The following FBXO21 variants were observed in gnomAD, a reference collection of about 807,000 sequenced individuals.
FBXO21 encodes F-box only protein 21.
Under a neutral mutation model 76.6 loss-of-function variants are expected in FBXO21, and 32 were observed. That is an observed-to-expected ratio of 0.42 (90% CI 0.32 to 0.56). FBXO21 has a LOEUF of 0.56. Ranked by LOEUF, FBXO21 falls within the 20% of genes least tolerant of loss-of-function variation. The pLI is 0.16. For missense variants in FBXO21, 586 were observed against 797.3 expected, an observed-to-expected ratio of 0.73 and a Z score of 3.19; for synonymous variants, 328 against 311.5, an observed-to-expected ratio of 1.05 and a Z score of -0.56.
intron 3 of FBXO21, among the ~76,000 whole-genome samples, chr12:117,184,656 A>G (rs895179475): frequency 2.6e-5 from 4 of 152,182 alleles, no homozygotes; most frequent in Non-Finnish European, 5.9e-5. Flanking sequence ...AGGAGGCTGA[A>G]GCAGGACAAT....
intron 9 of FBXO21, among the ~76,000 whole-genome samples, chr12:117,161,776 G>A (rs1362233412): frequency 6.6e-6 from 1 of 152,194 alleles, no homozygotes; most frequent in African/African-American, 2.4e-5. Flanking sequence ...GGGCACAGGT[G>A]CAGGGTAGAA....
rs372265673 is a variant in FBXO21, at chr12:117,189,273, G to C, written c.329C>G (p.Ala110Gly). ...TGAGAACGAGGCTACAATCTTCCGC[G>C]CTTCTAACCCAGCTTTTTGCCGAAC... ...YKVRQKAGLE[A>G]RKIVASFSKR... is the part of the protein sequence containing the mutation. Residue 110 changes from alanine to glycine, a missense_variant, in exon 2 of 12, where the codon GCG (alanine) becomes GGG (glycine). By Grantham distance (60) the Ala-to-Gly change is moderately conservative. Around this residue, in one of 6 missense-constraint regions of FBXO21, gnomAD observed 246 missense variants for 356.8 expected, o/e 0.69. Transcript: ENST00000622495. The C allele has an allele frequency of 9.3e-6, 15 of 1,614,040 alleles. 1 individual carries two copies. Among genetic ancestry groups the C allele is most frequent in the Non-Finnish European group, 1.3e-5 (15 of 1,180,028 alleles).
chr12:117,170,361 T>C (rs1034581848), intron 7 of FBXO21, among the ~76,000 whole-genome samples: 4 of 152,110 alleles, frequency 2.6e-5, no homozygotes, highest in Admixed American at 6.5e-5. Flanking sequence ...AACAGACACA[T>C]AGGGTTTCCA....
intron 9 of FBXO21, among the ~76,000 whole-genome samples, chr12:117,162,021 C>T (rs4767510): frequency 0.18 from 27,217 of 152,110 alleles, 3,140 homozygotes; most frequent in Admixed American, 0.34. Flanking sequence ...GGCATGGGAA[C>T]GGGTCCTGAT....
chr12:117,168,878 G>A (rs185370476), intron 7 of FBXO21, among the ~76,000 whole-genome samples: 30 of 152,370 alleles, frequency 2.0e-4, no homozygotes, highest in African/African-American at 7.0e-4. Flanking sequence ...GTTAGTGGGA[G>A]TGTAAATTAG....
chr12:117,168,159 G>A (rs1045789923), intron 7 of FBXO21, among the ~76,000 whole-genome samples: 12 of 152,152 alleles, frequency 7.9e-5, no homozygotes, highest in African/African-American at 2.7e-4. Flanking sequence ...ACAAATCGTA[G>A]CATATTCCTC....
At chr12:117,165,149 T>C (rs1049715923) in intron 9 of FBXO21, among the ~76,000 whole-genome samples, 5 of 152,220 alleles carry the variant, frequency 3.3e-5, no homozygotes, top group Non-Finnish European at 5.9e-5. Context: ...CAGCTGGAGG[T>C]TGACCATTTA....
intron 3 of FBXO21, among the ~76,000 whole-genome samples, chr12:117,180,556 T>A (rs1328688250): frequency 1.3e-5 from 2 of 152,166 alleles, no homozygotes; most frequent in African/African-American, 4.8e-5. Flanking sequence ...TCGTTATTCA[T>A]TTACTTCATT....
At chr12:117,171,118 C>A (rs1956113473) in intron 7 of FBXO21, among the ~76,000 whole-genome samples, 1 of 151,966 alleles carries the variant, frequency 6.6e-6, no homozygotes, top group South Asian at 2.1e-4. Context: ...AATCCCAGCA[C>A]CTTGGGAGGC....
chr12:117,171,908 C>T (rs1161949924), intron 7 of FBXO21, among the ~76,000 whole-genome samples: 5 of 152,044 alleles, frequency 3.3e-5, no homozygotes, highest in Non-Finnish European at 5.9e-5. Flanking sequence ...TAAAAAAGAA[C>T]AAAACAGAAC....
intron 1 of FBXO21, 65 bp downstream of exon 1, chr12:117,190,153 G>T: frequency 2.2e-6 from 2 of 901,228 alleles, no homozygotes; most frequent in South Asian, 1.0e-4. Flanking sequence ...TAGCGGGGCG[G>T]CTGCCCGGCC....
In FBXO21 at chr12:117,166,989, C is replaced by G; in HGVS notation, c.1102G>C (p.Gly368Arg). ...TACAGTGCTGCAGTCACGTGCTGGC[C>G]GATCAAGTACTCGCATTCTTTCACT... ...LTVKECEYLI[G>R]QHVTAALYGV... The change falls in exon 8 of 12, where the codon GGC becomes CGC. Residue 368 changes from glycine (G) to arginine (R), a missense_variant. Physicochemically the swap from Gly to Arg is moderately radical, Grantham distance 125. Transcript: ENST00000622495. 6.2e-7 allele frequency: 1 copy of G among 1,614,044 alleles called. No homozygotes were observed. The highest frequency in any genetic ancestry group is 8.5e-7 in the Non-Finnish European group (1 of 1,179,936).
intron 11 of FBXO21, among the ~76,000 whole-genome samples, chr12:117,153,592 G>T (rs1406875615): frequency 6.6e-6 from 1 of 152,222 alleles, no homozygotes; most frequent in Non-Finnish European, 1.5e-5. Flanking sequence ...AAGGCCTAGA[G>T]GAGAGTCCCC....
Position 117,155,816 on chromosome 12 carries a change from G to A in FBXO21, c.1650C>T (p.Asp550=), listed in dbSNP as rs756171229. ...HQPFYNVLVE[D]GSCRYAAQEN... is the part of the protein sequence containing the mutation. ...CTTGGGCTGCGTATCGACAGGAGCCGTCCTCCACCAGCACGTTATAGAAAG... is the reference window on the plus strand; with the variant it reads ...CTTGGGCTGCGTATCGACAGGAGCCATCCTCCACCAGCACGTTATAGAAAG... Residue 550 remains aspartate (D), a synonymous_variant, in exon 11 of 12, where the codon GAC becomes GAT. Coordinates refer to ENST00000622495, the MANE Select transcript of FBXO21 (RefSeq NM_015002.3). The A allele has an allele frequency of 2.5e-6, 4 of 1,613,834 alleles. No individual in the cohort carries two copies. The highest frequency in any genetic ancestry group is 1.3e-5 in the African/African-American group (1 of 74,948).
intron 7 of FBXO21, among the ~76,000 whole-genome samples, chr12:117,171,016 C>T (rs1956112435): frequency 6.6e-6 from 1 of 152,162 alleles, no homozygotes. Context: ...CAAGGGAAGC[C>T]TGTATGGGTA....
intron 3 of FBXO21, 86 bp from the exon 4 acceptor site, chr12:117,177,727 G>T: frequency 9.0e-7 from 1 of 1,114,152 alleles, no homozygotes. Flanking sequence ...CATGTAGTTT[G>T]CTTAACAAGA....
Position 117,188,886 on chromosome 12 carries a change from C to T in FBXO21, c.375+341G>A, listed in dbSNP as rs1323369864. Reference sequence around the variant, plus strand: ...TTACAGTGTTCAATCATTGATGATTCCCCAAATAACGGAGGGGTTGCAAAA... The same window carrying T: ...TTACAGTGTTCAATCATTGATGATTTCCCAAATAACGGAGGGGTTGCAAAA... On this transcript the variant is annotated intron_variant, in intron 2 of 11. Transcript: ENST00000622495. 7.1e-5 allele frequency: 17 copies of T among 239,248 alleles called. No individual in the cohort carries two copies. The East Asian group carries it at 1.5e-3, about 22-fold the overall frequency. 14.8% of individuals were successfully genotyped at this position (239,248 alleles called of 1,614,324 possible).
In FBXO21 at chr12:117,190,376, G is replaced by A; in HGVS notation, c.81C>T (p.Leu27=). ...CACCCGGCAGGTTGACGAGGCAGCT[G>A]AGGCCCGCTACCTCCGGCGCGGCCT... is the stretch of plus-strand genomic sequence containing the variant. ...AEEAAPEVAG[L]SCLVNLPGEV... is the part of the protein sequence containing the mutation. The change falls in exon 1 of 12, where the codon CTC becomes CTT. Residue 27 remains leucine (L), a synonymous_variant. Transcript: ENST00000622495. 6.6e-7 allele frequency: 1 copy of A among 1,516,250 alleles called. No homozygotes were observed. Among genetic ancestry groups the A allele is most frequent in the Non-Finnish European group, 8.8e-7 (1 of 1,141,154 alleles). The allele number at this position is 1,516,250 out of a possible 1,614,324, so 93.9% of individuals were successfully genotyped here.
chr12:117,170,882 G>C (rs912108984), intron 7 of FBXO21, among the ~76,000 whole-genome samples: 25 of 152,082 alleles, frequency 1.6e-4, no homozygotes, highest in Non-Finnish European at 1.0e-4. Context: ...AGATTGGTTG[G>C]GTTATTTGGG....
Sources: gnomAD v4.1 joint callset for allele counts (sites outside exome capture counted in the v4.1 genomes callset) on GRCh38, gnomAD v4.1.1 for gene constraint, gnomAD v4.1.1 regional missense constraint, MANE v1.5 for transcripts, NCBI Gene and HGNC (gene_info 2026-07-23, HGNC 2026-07-21) for gene names.